Variants in NIPBL observed in about 807,000 individuals in gnomAD.
NIPBL encodes nipped-B-like protein.
In NIPBL, 19 loss-of-function variants were observed where a neutral mutation model predicts 321.8. The observed-to-expected ratio is 0.06, with a 90% confidence interval of 0.04 to 0.09. The LOEUF (loss-of-function observed/expected upper bound fraction) is 0.09. NIPBL is among the 10% of genes least tolerant of loss of function. The pLI is 1.00. For missense variants in NIPBL, 2,210 were observed against 3,327.0 expected (o/e 0.66, Z 8.26); for synonymous variants, 1,106 against 1,114.1 (o/e 0.99, Z 0.14).
intron 42 of NIPBL, 137 bp from the exon 43 acceptor site, chr5:37,057,047 ACT>A (rs1754171538): frequency 3.9e-6 from 3 of 769,364 alleles, no homozygotes; most frequent in Admixed American, 4.2e-5. Flanking sequence ...GTCTCTCCCC[ACT>A]CTCTCCGTGT....
chr5:36,962,683 CG>C (rs1290433348), intron 6 of NIPBL, among the ~76,000 whole-genome samples: 6 of 152,060 alleles, frequency 3.9e-5, no homozygotes, highest in Non-Finnish European at 8.8e-5. Context: ...CAACCAAACA[CG>C]GAGTGAAAAT....
chr5:37,053,648 T>G (rs1753796580), intron 42 of NIPBL, among the ~76,000 whole-genome samples: 1 of 152,174 alleles, frequency 6.6e-6, no homozygotes, highest in Non-Finnish European at 1.5e-5. Flanking sequence ...AAACAGCAAT[T>G]GGGGAGATTA....
At position 37,016,221 on chromosome 5, in the gene NIPBL, G is replaced by A. The variant is rs1258293382; in HGVS notation, c.4776+51G>A. On this transcript the variant is annotated intron_variant, in intron 23 of 46. Transcript: ENST00000282516. The stretch of plus-strand genomic sequence containing the variant: ...TTAGATTACTAGAAGACAACATAAT[G>A]AGGATGTACTCTGATTCACAGATGA... 2.6e-6 allele frequency: 4 copies of A among 1,541,410 alleles called. No individual in the cohort carries two copies. The Middle Eastern group carries it at 5.1e-4, about 195-fold the overall frequency.
At chr5:37,036,243 A>G in intron 32 of NIPBL, 136 bp from the exon 33 acceptor site, 1 of 229,966 alleles carries the variant, frequency 4.3e-6, no homozygotes. Flanking sequence ...GTTAATGACA[A>G]ATTGAAAAGT....
intron 40 of NIPBL, among the ~76,000 whole-genome samples, chr5:37,050,106 A>G (rs1753373287): frequency 6.6e-6 from 1 of 152,124 alleles, no homozygotes; most frequent in African/African-American, 2.4e-5. Flanking sequence ...CACCTTTTTA[A>G]ACTACCGAGG....
chr5:37,042,843 GAAAA>G, intron 34 of NIPBL, among the ~76,000 whole-genome samples: 1 of 137,072 alleles, frequency 7.3e-6, no homozygotes, highest in Non-Finnish European at 1.6e-5. Context: ...AAAAAGAAAG[GAAAA>G]AAAAAAACTA....
At chr5:36,956,661 GT>G (rs1156911521) in intron 3 of NIPBL, among the ~76,000 whole-genome samples, 1 of 105,198 alleles carries the variant, frequency 9.5e-6, no homozygotes, top group Non-Finnish European at 1.7e-5. Flanking sequence ...GTCTTGCTCT[GT>G]TGCCCAGGCT....
rs1425665915 is a variant in NIPBL, at chr5:37,044,650, T to C, written c.6264T>C (p.Cys2088=). 1 of 1,613,878 alleles carries C rather than the reference T, an allele frequency of 6.2e-7. No homozygotes were observed. Among genetic ancestry groups the C allele is most frequent in the South Asian group, 1.1e-5 (1 of 91,070 alleles). Residue 2088 remains cysteine (C), a synonymous_variant, in exon 36 of 47, where the codon TGT becomes TGC. Coordinates refer to ENST00000282516, the MANE Select transcript of NIPBL (RefSeq NM_133433.4). ...IKYGMTVVQH[C]VSCLGAVVNK... ...ATATCTTTTAGGTAGTGCAACATTGTGTGAGCTGTCTTGGAGCTGTTGTAA... is the reference window on the plus strand; with the variant it reads ...ATATCTTTTAGGTAGTGCAACATTGCGTGAGCTGTCTTGGAGCTGTTGTAA...
At chr5:36,986,991 A>G (rs1025326475) in intron 10 of NIPBL, among the ~76,000 whole-genome samples, 2 of 152,144 alleles carry the variant, frequency 1.3e-5, no homozygotes, top group Non-Finnish European at 2.9e-5. Flanking sequence ...GATAATGGCC[A>G]TTTGTGCAGA....
At chr5:36,897,008 T>TA (rs199576475) in intron 1 of NIPBL, among the ~76,000 whole-genome samples, 4,458 of 135,918 alleles carry the variant, frequency 0.033, 204 homozygotes, top group African/African-American at 0.13. Flanking sequence ...CTTTTATATA[T>TA]TTTTTTTTTT....
chr5:36,936,540 T>C (rs1017412865), intron 1 of NIPBL, among the ~76,000 whole-genome samples: 3 of 152,116 alleles, frequency 2.0e-5, no homozygotes, highest in Non-Finnish European at 2.9e-5. Flanking sequence ...AGTGATGAAA[T>C]TGCCTAATGG....
At chr5:37,032,461 G>GA (rs1356796909) in intron 32 of NIPBL, among the ~76,000 whole-genome samples, 1 of 145,852 alleles carries the variant, frequency 6.9e-6, no homozygotes, top group Non-Finnish European at 1.5e-5. Context: ...CATCCCAGCA[G>GA]AAAAAATCTT....
At chr5:37,016,897 A>G in intron 23 of NIPBL, 122 bp from the exon 24 acceptor site, 1 of 731,858 alleles carries the variant, frequency 1.4e-6, no homozygotes, top group Non-Finnish European at 2.1e-6. Context: ...GGACAATATC[A>G]CAGGAAAAAA....
chr5:36,976,629 G>T (rs894078105), intron 9 of NIPBL, among the ~76,000 whole-genome samples: 3 of 151,966 alleles, frequency 2.0e-5, no homozygotes. Context: ...CTACAGGTCT[G>T]TTACTCATTA....
intron 8 of NIPBL, among the ~76,000 whole-genome samples, chr5:36,973,543 C>T (rs931216769): frequency 1.3e-5 from 2 of 152,110 alleles, no homozygotes; most frequent in Non-Finnish European, 2.9e-5. Flanking sequence ...TCTCGGCTCA[C>T]TGCAATCTCC....
chr5:36,966,497 G>C (rs1019477953), intron 6 of NIPBL, among the ~76,000 whole-genome samples: 6 of 152,028 alleles, frequency 3.9e-5, no homozygotes, highest in African/African-American at 1.4e-4. Context: ...AGTATCAGTG[G>C]TGTTTAGGTG....
chr5:37,046,094 T>C lies in NIPBL; in HGVS notation c.6499-15T>C. On this transcript the variant is annotated splice_polypyrimidine_tract_variant and intron_variant, in intron 37 of 46. Coordinates refer to ENST00000282516, the MANE Select transcript of NIPBL (RefSeq NM_133433.4). ...TACTGTTCATGAACACTTTAATGTG[T>C]TTTCCTCCCCTTAGGTTAACATAAA... The C allele has an allele frequency of 7.5e-7, 1 of 1,332,360 alleles. No individual in the cohort carries two copies. Among genetic ancestry groups the C allele is most frequent in the Non-Finnish European group, 1.1e-6 (1 of 923,556 alleles). 82.5% of individuals were successfully genotyped at this position (1,332,360 alleles called of 1,614,324 possible).
intron 1 of NIPBL, among the ~76,000 whole-genome samples, chr5:36,912,766 C>T (rs551000585): frequency 8.5e-5 from 13 of 152,248 alleles, no homozygotes; most frequent in African/African-American, 3.1e-4. Context: ...TCCCAGAGTG[C>T]TGGGATTACA....
At chr5:36,884,892 A>G (rs1745774915) in intron 1 of NIPBL, among the ~76,000 whole-genome samples, 1 of 152,196 alleles carries the variant, frequency 6.6e-6, no homozygotes, top group Non-Finnish European at 1.5e-5. Flanking sequence ...AACTTTATAA[A>G]GATAAAGAAA....
Sources: gnomAD v4.1 joint callset for allele counts (sites outside exome capture counted in the v4.1 genomes callset) on GRCh38, gnomAD v4.1.1 for gene constraint, MANE v1.5 for transcripts, NCBI Gene and HGNC (gene_info 2026-07-23, HGNC 2026-07-21) for gene names.